NR1D2: variants seen among roughly 807,000 people sequenced by gnomAD.
NR1D2 encodes the protein nuclear receptor subfamily 1 group D member 2, also known as V-erbA-related protein 1-related.
A neutral mutation model predicts 52.2 loss-of-function variants in NR1D2; 25 were observed. The observed-to-expected ratio is 0.48, with a 90% CI of 0.35 to 0.67. NR1D2 has a LOEUF of 0.67. NR1D2 is among the 30% of genes least tolerant of loss of function. The probability of loss-of-function intolerance (pLI) is 0.01; values close to 1 mark genes in which losing one functional copy is unlikely to be tolerated. For missense variants in NR1D2, 681 were observed against 707.2 expected (o/e 0.96, Z 0.42); for synonymous variants, 259 against 230.1 (o/e 1.13, Z -1.14).
At chr3:23,976,486 C>T (rs527742396) in intron 7 of NR1D2, among the ~76,000 whole-genome samples, 24 of 152,282 alleles carry the variant, frequency 1.6e-4, no homozygotes, top group East Asian at 7.7e-4. Context: ...ATGTAGTTAT[C>T]GGCAAGATTG....
chr3:23,973,845 ATTTAC>A (rs1442394561), intron 7 of NR1D2, among the ~76,000 whole-genome samples: 1 of 151,888 alleles, frequency 6.6e-6, no homozygotes, highest in Non-Finnish European at 1.5e-5. Context: ...TAATTTATTT[ATTTAC>A]TTCTTAAACT....
At chr3:23,955,441 A>T (rs546618146) in intron 2 of NR1D2, among the ~76,000 whole-genome samples, 42 of 152,338 alleles carry the variant, frequency 2.8e-4, no homozygotes, top group African/African-American at 1.0e-3. Context: ...GAAAAAAAAT[A>T]AATTTACAAA....
Position 23,977,292 on chromosome 3 carries a change from C to G in NR1D2, c.1613C>G (p.Thr538Ser), listed in dbSNP as rs142863637. The G allele has an allele frequency of 2.0e-3, 3,246 of 1,613,248 alleles. 16 individuals carry two copies. Among genetic ancestry groups the G allele is most frequent in the Non-Finnish European group, 1.3e-3 (1,543 of 1,179,514 alleles). The change falls in exon 8 of 8, where the codon ACC (threonine) becomes AGC (serine). Residue 538 changes from threonine to serine, a missense_variant. Transcript: ENST00000312521. ...LQETLIRALR[T>S]LIMKNHPNEA... ...GAAACTCTCATTCGTGCACTAAGGA[C>G]CTTAATAATGAAAAACCATCCAAAT... is the stretch of plus-strand genomic sequence containing the variant.
chr3:23,948,146 C>G (rs9835088), intron 1 of NR1D2, among the ~76,000 whole-genome samples: 170 of 151,764 alleles, frequency 1.1e-3, no homozygotes, highest in African/African-American at 3.6e-3. Context: ...TTTTAACTTT[C>G]GAATTTTTGT....
intron 1 of NR1D2, among the ~76,000 whole-genome samples, chr3:23,951,663 A>G (rs1705937449): frequency 6.6e-6 from 1 of 152,264 alleles, no homozygotes; most frequent in Admixed American, 6.5e-5. Context: ...CGATGAAATC[A>G]TCAATCTTTA....
rs762916242 is a variant in NR1D2, at chr3:23,954,672, C to A, written c.152C>A (p.Thr51Asn). ...PSSPNSSNSDTNGNPKNGDLA... is the reference protein window; with the variant it reads ...PSSPNSSNSDNNGNPKNGDLA... ...TCTCCAAATAGCTCTAATTCTGATA[C>A]CAATGGTAATCCCAAGAATGGTGAT... Residue 51 changes from threonine (T) to asparagine (N), a missense_variant, in exon 2 of 8, where the codon ACC (threonine) becomes AAC (asparagine). Coordinates refer to ENST00000312521, the MANE Select transcript of NR1D2 (RefSeq NM_005126.5). The A allele has an allele frequency of 1.9e-6, 3 of 1,614,082 alleles. No homozygotes were observed. The highest frequency in any genetic ancestry group is 3.3e-5 in the Admixed American group (2 of 60,022).
In NR1D2 at chr3:23,945,492, C is replaced by CCGGGG. The variant is rs1227598903; in HGVS notation, c.-83_-79dup. 2 of 850,212 alleles carry CCGGGG rather than the reference C, an allele frequency of 2.4e-6. No individual in the cohort carries two copies. Among genetic ancestry groups the CCGGGG allele is most frequent in the East Asian group, 6.2e-5 (1 of 16,012 alleles). The allele number at this position is 850,212 out of a possible 1,614,324, so 52.7% of individuals were successfully genotyped here. On this transcript the variant is annotated 5_prime_UTR_variant, in exon 1 of 8. An upstream open reading frame in the 5' UTR loses its in-frame stop. Transcript: ENST00000312521. ...CCCCGCGACCACCGCTGCTTCCAGCCCGGGGCGGCGCGGCGCTGAGGCGGC... is the reference window on the plus strand; with the variant it reads ...CCCCGCGACCACCGCTGCTTCCAGCCCGGGGCGGGGCGGCGCGGCGCTGAGGCGGC...
chr3:23,957,189 G>A (rs1248408838), intron 3 of NR1D2, among the ~76,000 whole-genome samples: 1 of 151,612 alleles, frequency 6.6e-6, no homozygotes, highest in Non-Finnish European at 1.5e-5. Context: ...CATCACATTG[G>A]CCAGGCTGGT....
intron 7 of NR1D2, among the ~76,000 whole-genome samples, 150 bp from the exon 8 acceptor site, chr3:23,977,070 ATTT>A (rs1227141866): frequency 6.6e-6 from 1 of 152,158 alleles, no homozygotes; most frequent in East Asian, 1.9e-4. Flanking sequence ...TGTTACTGAG[ATTT>A]TGAGAAATTT....
At chr3:23,964,816 A>C in intron 5 of NR1D2, 161 bp from the exon 6 acceptor site, 1 of 554,372 alleles carries the variant, frequency 1.8e-6, no homozygotes, top group Non-Finnish European at 3.2e-6. Flanking sequence ...TTTCTACAGT[A>C]TGGTGGGCAG....
chr3:23,946,392 G>T, intron 1 of NR1D2: 1 of 729,786 alleles, frequency 1.4e-6, no homozygotes, highest in South Asian at 6.1e-5. Context: ...CTCGGGGAAG[G>T]CGTGGGGCTT....
At chr3:23,947,614 A>G (rs1034212463) in intron 1 of NR1D2, among the ~76,000 whole-genome samples, 2 of 152,218 alleles carry the variant, frequency 1.3e-5, no homozygotes, top group Non-Finnish European at 2.9e-5. Flanking sequence ...GTAACCTTGC[A>G]GTCAACTAGG....
chr3:23,966,876 A>C (rs1214874255), intron 6 of NR1D2, among the ~76,000 whole-genome samples: 5 of 152,090 alleles, frequency 3.3e-5, no homozygotes, highest in African/African-American at 1.2e-4. Context: ...CAAAAAATAC[A>C]AAAATTAGCT....
chr3:23,975,531 G>A (rs573367079), intron 7 of NR1D2, among the ~76,000 whole-genome samples: 8 of 152,194 alleles, frequency 5.3e-5, no homozygotes, highest in Non-Finnish European at 7.4e-5. Context: ...CAGCACTTTC[G>A]GAGGCCGAGG....
chr3:23,949,680 C>T (rs766811673), intron 1 of NR1D2, among the ~76,000 whole-genome samples: 2 of 152,244 alleles, frequency 1.3e-5, no homozygotes, highest in South Asian at 4.1e-4. Context: ...TAGATCTACT[C>T]TACCACCCTT....
At chr3:23,951,771 TTCC>T (rs145130889) in intron 1 of NR1D2, among the ~76,000 whole-genome samples, 7,015 of 152,338 alleles carry the variant, frequency 0.046, 180 homozygotes, top group Middle Eastern at 0.088. Context: ...AAATTGCACA[TTCC>T]TGAGGATGTG....
chr3:23,952,019 T>C (rs1469843281), intron 1 of NR1D2, among the ~76,000 whole-genome samples: 1 of 152,226 alleles, frequency 6.6e-6, no homozygotes, highest in Admixed American at 6.5e-5. Flanking sequence ...CTTGTGGCAG[T>C]GTTCTTCAAA....
chr3:23,960,774 A>G (rs549247184), intron 4 of NR1D2, among the ~76,000 whole-genome samples: 2 of 152,364 alleles, frequency 1.3e-5, no homozygotes, highest in African/African-American at 4.8e-5. Flanking sequence ...AAAACTGACA[A>G]TCATTTGTGA....
chr3:23,949,056 T>A (rs903590272), intron 1 of NR1D2, among the ~76,000 whole-genome samples: 9 of 152,266 alleles, frequency 5.9e-5, no homozygotes, highest in Non-Finnish European at 1.3e-4. Flanking sequence ...ATAAAAATAA[T>A]GTCTATTTTA....
Sources: gnomAD v4.1 joint callset for allele counts (sites outside exome capture counted in the v4.1 genomes callset) on GRCh38, gnomAD v4.1.1 for gene constraint, MANE v1.5 for transcripts, NCBI Gene and HGNC (gene_info 2026-07-23, HGNC 2026-07-21) for gene names.